Variants in SPTBN1 observed in about 807,000 individuals in gnomAD.
SPTBN1 encodes spectrin beta, non-erythrocytic 1.
SPTBN1 carries 32 observed loss-of-function variants against 266.4 expected under a neutral mutation model. The observed-to-expected ratio is 0.12, with a 90% CI of 0.09 to 0.16. The LOEUF is 0.16. SPTBN1 is among the 10% of genes least tolerant of loss of function. SPTBN1 has a pLI of 1.00. For synonymous variants in SPTBN1, 1,336 were observed against 1,162.2 expected, an observed-to-expected ratio of 1.15 and a Z score of -3.04; for missense variants, 2,296 against 3,067.1, an observed-to-expected ratio of 0.75 and a Z score of 5.94.
At chr2:54,479,772 A>G (rs1022211553) in intron 1 of SPTBN1, among the ~76,000 whole-genome samples, 1 of 152,356 alleles carries the variant, frequency 6.6e-6, no homozygotes, top group South Asian at 2.1e-4. Flanking sequence ...TATTTAAAAA[A>G]TTATTTAGGG....
chr2:54,517,465 C>A (rs1404806212), intron 1 of SPTBN1, among the ~76,000 whole-genome samples: 1 of 152,088 alleles, frequency 6.6e-6, no homozygotes, highest in Non-Finnish European at 1.5e-5. Flanking sequence ...GGAAATATTA[C>A]TATACTCTGT....
rs543341828 is a variant in SPTBN1 at position 54,465,168 on chromosome 2, T to G, written c.-48+8650T>G. 8.9e-4 allele frequency among the ~76,000 whole-genome samples: 135 copies of G among 152,306 alleles called. 2 individuals are homozygous for G. Among genetic ancestry groups the G allele is most frequent in the African/African-American group, 3.0e-3 (123 of 41,572 alleles). The stretch of plus-strand genomic sequence containing the variant: ...CAGTTTTCTAAGAGCAATGATACAG[T>G]GTGTAAGTTAGCATCTTAAGGGTAT... On this transcript the variant is annotated intron_variant, in intron 1 of 35. Transcript: ENST00000356805.
chr2:54,586,270 C>T (rs963823015), intron 2 of SPTBN1, among the ~76,000 whole-genome samples: 15 of 152,156 alleles, frequency 9.9e-5, no homozygotes, highest in Admixed American at 7.9e-4. Context: ...ATCAATCTGT[C>T]GTTTCAACCC....
intron 2 of SPTBN1, among the ~76,000 whole-genome samples, chr2:54,572,723 C>T (rs1196866673): frequency 6.6e-6 from 1 of 152,142 alleles, no homozygotes; most frequent in African/African-American, 2.4e-5. Flanking sequence ...ATTTTTTTCA[C>T]TTGAAACACA....
intron 2 of SPTBN1, among the ~76,000 whole-genome samples, chr2:54,539,245 C>A (rs895365492): frequency 5.3e-5 from 8 of 152,190 alleles, no homozygotes; most frequent in African/African-American, 1.9e-4. Context: ...GAGTGCTTGT[C>A]AGACTGAAGA....
intron 2 of SPTBN1, among the ~76,000 whole-genome samples, chr2:54,563,493 T>C (rs1442673870): frequency 6.6e-6 from 1 of 152,120 alleles, no homozygotes; most frequent in East Asian, 1.9e-4. Flanking sequence ...TTATTACGTA[T>C]TGAGAGTTGT....
intron 1 of SPTBN1, among the ~76,000 whole-genome samples, chr2:54,478,902 GTA>G (rs745399046): frequency 6.9e-6 from 1 of 144,034 alleles, no homozygotes; most frequent in African/African-American, 2.4e-5. Flanking sequence ...GAGTGTGTGT[GTA>G]TATATATGTG....
intron 1 of SPTBN1, among the ~76,000 whole-genome samples, chr2:54,483,976 C>T (rs1206487258): frequency 6.6e-6 from 1 of 152,092 alleles, no homozygotes; most frequent in African/African-American, 2.4e-5. Flanking sequence ...AGTCAGATCA[C>T]CTGAGCCCAG....
At chr2:54,508,287 A>G (rs1004385222) in intron 1 of SPTBN1, among the ~76,000 whole-genome samples, 1 of 152,210 alleles carries the variant, frequency 6.6e-6, no homozygotes, top group African/African-American at 2.4e-5. Context: ...CTACCCATCC[A>G]GTGAAAGTGT....
Position 54,629,640 on chromosome 2 carries a change from G to C in SPTBN1, c.2506G>C (p.Glu836Gln), listed in dbSNP as rs775473946. The C allele has an allele frequency of 2.5e-6, 4 of 1,613,944 alleles. No homozygotes were observed. In the East Asian group the frequency reaches 6.7e-5, roughly 27 times the overall value. ...GIEERYKEVA[E>Q]LTRLRKQALQ... is the part of the protein sequence containing the mutation. ...CGAGGAGCGGTATAAGGAGGTGGCA[G>C]AGCTGACGCGGCTGCGGAAGCAGGC... is the stretch of plus-strand genomic sequence containing the variant. Residue 836 changes from glutamate (E) to glutamine (Q), a missense_variant, in exon 14 of 36, where the codon GAG becomes CAG. Physicochemically the swap from Glu to Gln is conservative, Grantham distance 29. This residue lies in a region of SPTBN1 where 434 missense variants were observed against 573.9 expected (regional missense o/e 0.76). Coordinates refer to ENST00000356805, the MANE Select transcript of SPTBN1 (RefSeq NM_003128.3).
At chr2:54,661,476 CTTG>C (rs1558481654) in intron 32 of SPTBN1, 1 of 985,554 alleles carries the variant, frequency 1.0e-6, no homozygotes, top group Non-Finnish European at 1.2e-6. Flanking sequence ...CATATAGCAT[CTTG>C]TTTGTTTTTC....
At chr2:54,578,459 G>A (rs992678198) in intron 2 of SPTBN1, among the ~76,000 whole-genome samples, 5 of 152,042 alleles carry the variant, frequency 3.3e-5, no homozygotes, top group Non-Finnish European at 5.9e-5. Context: ...CCGGTTAGCT[G>A]CTGCTGCTGC....
At chr2:54,532,901 C>T (rs4671952) in intron 2 of SPTBN1, among the ~76,000 whole-genome samples, 54,129 of 151,928 alleles carry the variant, frequency 0.36, 10,197 homozygotes, top group East Asian at 0.45. Flanking sequence ...AATTTCTTTC[C>T]TTCTTAACTA....
intron 1 of SPTBN1, among the ~76,000 whole-genome samples, chr2:54,484,620 C>A (rs1573242893): frequency 6.6e-6 from 1 of 152,292 alleles, no homozygotes; most frequent in African/African-American, 2.4e-5. Flanking sequence ...CCTGGTAACT[C>A]TTCAGGGTGC....
intron 1 of SPTBN1, among the ~76,000 whole-genome samples, chr2:54,481,799 G>C (rs1025396074): frequency 6.6e-6 from 1 of 152,130 alleles, no homozygotes; most frequent in African/African-American, 2.4e-5. Flanking sequence ...CTGTTTGTTC[G>C]GAGTACTAGA....
At position 54,628,597 on chromosome 2, in the gene SPTBN1, G is replaced by A. The variant is rs1678509582; in HGVS notation, c.1799-336G>A. ...CAGCTGGTTGCATATACCTCTCTTT[G>A]GAGGATGTTTAGAATGATTTGGTTA... On this transcript the variant is annotated intron_variant, in intron 13 of 35. Coordinates refer to ENST00000356805, the MANE Select transcript of SPTBN1 (RefSeq NM_003128.3). The surrounding 1 kb of genome is among the most constrained non-coding windows in gnomAD (Gnocchi z 4.3). Among the ~76,000 whole-genome samples the A allele has an allele frequency of 6.6e-6, 1 of 152,128 alleles. No homozygotes were observed. Among genetic ancestry groups the A allele is most frequent in the Non-Finnish European group, 1.5e-5 (1 of 68,024 alleles).
chr2:54,560,189 G>T (rs181531404), intron 2 of SPTBN1, among the ~76,000 whole-genome samples: 31 of 135,768 alleles, frequency 2.3e-4, no homozygotes, highest in African/African-American at 9.3e-4. Flanking sequence ...AGTTGGGGTG[G>T]GGGGGGGCGT....
chr2:54,608,153 C>A (rs1232628263), intron 3 of SPTBN1, among the ~76,000 whole-genome samples: 1 of 152,190 alleles, frequency 6.6e-6, no homozygotes, highest in Non-Finnish European at 1.5e-5. Context: ...GCATTCAGTT[C>A]ACTGTGCACA....
intron 8 of SPTBN1, 75 bp from the exon 9 acceptor site, chr2:54,622,225 C>T (rs1678035392): frequency 6.0e-6 from 9 of 1,503,476 alleles, no homozygotes; most frequent in Non-Finnish European, 7.3e-6. Flanking sequence ...TGTGCATGCA[C>T]TCGTATAGGG....
Sources: allele counts gnomAD v4.1 joint callset (sites outside exome capture counted in the v4.1 genomes callset), GRCh38; gene constraint gnomAD v4.1.1; regional missense constraint gnomAD v4.1.1; non-coding constraint Gnocchi (gnomAD v3.1); transcripts MANE v1.5; gene names NCBI Gene and HGNC (gene_info 2026-07-23, HGNC 2026-07-21).